The following NELL1 variants were observed in gnomAD, a reference collection of about 807,000 sequenced individuals.
The protein encoded by NELL1 is protein kinase C-binding protein NELL1.
NELL1 carries 76 observed loss-of-function variants against 107.4 expected under a neutral mutation model. That is an observed-to-expected ratio of 0.71 (90% CI 0.59 to 0.86). NELL1 has a LOEUF of 0.86. Ranked by LOEUF, NELL1 falls within the 40% of genes least tolerant of loss-of-function variation. The probability of loss-of-function intolerance (pLI) is 0.00; values close to 1 mark genes in which losing one functional copy is unlikely to be tolerated. For synonymous variants in NELL1, 353 were observed against 341.2 expected (o/e 1.03, Z -0.38); for missense variants, 1,024 against 1,005.5 (o/e 1.02, Z -0.25).
intron 13 of NELL1, among the ~76,000 whole-genome samples, chr11:21,136,747 TTCA>T (rs777398252): frequency 8.5e-5 from 13 of 152,108 alleles, no homozygotes; most frequent in South Asian, 4.1e-4. Context: ...TGTTATCATC[TTCA>T]TCATCATCAT....
chr11:21,467,468 T>C (rs1026739404), intron 15 of NELL1, among the ~76,000 whole-genome samples: 1 of 152,070 alleles, frequency 6.6e-6, no homozygotes, highest in Non-Finnish European at 1.5e-5. Flanking sequence ...ATTTATGTCT[T>C]TAAAAATATC....
At chr11:20,897,073 C>A (rs930648739) in intron 5 of NELL1, among the ~76,000 whole-genome samples, 14 of 152,104 alleles carry the variant, frequency 9.2e-5, no homozygotes, top group Non-Finnish European at 1.8e-4. Context: ...TTTAAAGTTC[C>A]TATGGAACTA....
intron 5 of NELL1, among the ~76,000 whole-genome samples, chr11:20,889,849 G>T (rs1433296631): frequency 6.6e-6 from 1 of 152,170 alleles, no homozygotes. Context: ...GACAGAATTC[G>T]GATTTCCCTG....
At chr11:20,834,882 C>T (rs929482719) in intron 3 of NELL1, among the ~76,000 whole-genome samples, 2 of 152,070 alleles carry the variant, frequency 1.3e-5, no homozygotes, top group Admixed American at 6.6e-5. Context: ...ACATTACCTG[C>T]CTATCAGTCC....
intron 13 of NELL1, among the ~76,000 whole-genome samples, chr11:21,167,304 T>C (rs553132263): frequency 1.3e-5 from 2 of 151,940 alleles, no homozygotes; most frequent in East Asian, 3.9e-4. Context: ...CCTGGAACAA[T>C]TCAAACCACA....
chr11:21,162,454 A>T (rs1023210849), intron 13 of NELL1, among the ~76,000 whole-genome samples: 1 of 152,160 alleles, frequency 6.6e-6, no homozygotes, highest in African/African-American at 2.4e-5. Flanking sequence ...GTATTTGAAG[A>T]TACATCCCTG....
rs572811058 is a variant in NELL1 at position 20,775,987 on chromosome 11, C to G, written c.185-7693C>G. On this transcript the variant is annotated intron_variant, in intron 2 of 19. Coordinates refer to ENST00000357134, the MANE Select transcript of NELL1 (RefSeq NM_006157.5). ...TTATATTTGTGTGTATTTGGTAAACCTTTTTTTCTTATATTGTGTTCCAGA... is the reference window on the plus strand; with the variant it reads ...TTATATTTGTGTGTATTTGGTAAACGTTTTTTTCTTATATTGTGTTCCAGA... Among the ~76,000 whole-genome samples the G allele has an allele frequency of 5.9e-5, 9 of 152,220 alleles. No individual in the cohort carries two copies. The East Asian group carries it at 1.2e-3, about 20-fold the overall frequency.
intron 14 of NELL1, among the ~76,000 whole-genome samples, chr11:21,346,163 C>T (rs1241290909): frequency 6.6e-6 from 1 of 152,148 alleles, no homozygotes; most frequent in Admixed American, 6.6e-5. Flanking sequence ...GAGGAAACAT[C>T]TCTCTCTTCC....
Position 21,526,553 on chromosome 11 carries a change from G to A in NELL1, c.1646-7821G>A, listed in dbSNP as rs72959334. Among the ~76,000 whole-genome samples the A allele has an allele frequency of 1.2e-3, 182 of 152,338 alleles. 1 individual carries two copies. Among genetic ancestry groups the A allele is most frequent in the Non-Finnish European group, 2.1e-3 (142 of 68,042 alleles). Reference sequence around the variant, plus strand: ...TTTCCTTTTTTACTGCCCTAGCAGAGGTTCTTCATGAAGGCTCTGCCCCTG... The same window carrying A: ...TTTCCTTTTTTACTGCCCTAGCAGAAGTTCTTCATGAAGGCTCTGCCCCTG... On this transcript the variant is annotated intron_variant, in intron 15 of 19. Coordinates refer to ENST00000357134, the MANE Select transcript of NELL1 (RefSeq NM_006157.5).
intron 13 of NELL1, among the ~76,000 whole-genome samples, chr11:21,186,159 A>G (rs1050638919): frequency 2.6e-5 from 4 of 151,878 alleles, no homozygotes; most frequent in Admixed American, 6.6e-5. Context: ...ATGATGGCTG[A>G]TCTTAGGTCA....
chr11:21,192,593 T>G (rs927694714), intron 13 of NELL1, among the ~76,000 whole-genome samples: 1 of 151,884 alleles, frequency 6.6e-6, no homozygotes, highest in African/African-American at 2.4e-5. Context: ...TATTAACAGA[T>G]ATATTGTTTT....
At chr11:20,702,039 C>A (rs1854805594) in intron 2 of NELL1, among the ~76,000 whole-genome samples, 1 of 152,116 alleles carries the variant, frequency 6.6e-6, no homozygotes, top group African/African-American at 2.4e-5. Context: ...TTTTCCAATT[C>A]TGTGAAGAAA....
At chr11:21,304,420 C>T (rs1489565533) in intron 14 of NELL1, among the ~76,000 whole-genome samples, 2 of 152,008 alleles carry the variant, frequency 1.3e-5, no homozygotes, top group African/African-American at 4.8e-5. Flanking sequence ...AGTCTATTGT[C>T]TCTACCACTG....
intron 3 of NELL1, among the ~76,000 whole-genome samples, chr11:20,843,548 AGCC>A (rs1848653619): frequency 7.0e-6 from 1 of 142,222 alleles, no homozygotes; most frequent in South Asian, 2.2e-4. Context: ...GAATATATCT[AGCC>A]CTTCTGTTCT....
At chr11:21,342,817 C>T (rs1248681555) in intron 14 of NELL1, among the ~76,000 whole-genome samples, 1 of 151,916 alleles carries the variant, frequency 6.6e-6, no homozygotes, top group Non-Finnish European at 1.5e-5. Flanking sequence ...CCTTTCTCTT[C>T]TTTTTCTTAT....
At chr11:20,809,410 T>G (rs1214106155) in intron 3 of NELL1, among the ~76,000 whole-genome samples, 1 of 152,158 alleles carries the variant, frequency 6.6e-6, no homozygotes, top group Non-Finnish European at 1.5e-5. Context: ...TATTTTGAAA[T>G]ATACAATACA....
At chr11:20,933,904 A>G (rs1388637638) in intron 9 of NELL1, among the ~76,000 whole-genome samples, 2 of 152,160 alleles carry the variant, frequency 1.3e-5, no homozygotes, top group Non-Finnish European at 2.9e-5. Flanking sequence ...CATAATGGAG[A>G]AGTGTGTGTT....
chr11:21,358,988 G>A (rs1166230423), intron 14 of NELL1, among the ~76,000 whole-genome samples: 1 of 151,852 alleles, frequency 6.6e-6, no homozygotes, highest in Non-Finnish European at 1.5e-5. Flanking sequence ...TGTTTGATTG[G>A]TCTAGCTAGG....
intron 14 of NELL1, among the ~76,000 whole-genome samples, chr11:21,314,517 G>A (rs753500570): frequency 2.0e-5 from 3 of 152,118 alleles, no homozygotes; most frequent in South Asian, 4.1e-4. Flanking sequence ...CTTAATAAAT[G>A]TTAGCTGTTA....
Sources: gnomAD v4.1 joint callset for allele counts (sites outside exome capture counted in the v4.1 genomes callset) on GRCh38, gnomAD v4.1.1 for gene constraint, MANE v1.5 for transcripts, NCBI Gene and HGNC (gene_info 2026-07-23, HGNC 2026-07-21) for gene names.